Variants in LYPLA1 observed in about 807,000 individuals in gnomAD.
LYPLA1 encodes the protein acyl-protein thioesterase 1.
LYPLA1 carries 17 observed loss-of-function variants against 34.0 expected under a neutral mutation model. The observed-to-expected ratio is 0.50, with a 90% CI of 0.34 to 0.75. The LOEUF (loss-of-function observed/expected upper bound fraction) is 0.75. LYPLA1 is among the 30% of genes least tolerant of loss of function. The pLI is 0.01. For missense variants in LYPLA1, 203 were observed against 288.8 expected (o/e 0.70, Z 2.15); for synonymous variants, 98 against 100.8 (o/e 0.97, Z 0.17).
intron 2 of LYPLA1, among the ~76,000 whole-genome samples, chr8:54,098,445 G>A (rs1403816498): frequency 2.6e-5 from 4 of 152,124 alleles, no homozygotes; most frequent in African/African-American, 7.2e-5. Flanking sequence ...GCGGGAGGCC[G>A]AGGTGGGTGG....
chr8:54,055,990 C>A (rs1293405478), intron 5 of LYPLA1, among the ~76,000 whole-genome samples: 1 of 151,924 alleles, frequency 6.6e-6, no homozygotes, highest in African/African-American at 2.4e-5. Context: ...CCAAAGCTAC[C>A]CTAAGCAAAA....
At chr8:54,062,659 A>G (rs2129333092) in intron 4 of LYPLA1, among the ~76,000 whole-genome samples, 1 of 152,160 alleles carries the variant, frequency 6.6e-6, no homozygotes, top group South Asian at 2.1e-4. Flanking sequence ...CTACAGGTGC[A>G]TGCCACCACA....
chr8:54,085,237 C>A (rs1303431795), intron 2 of LYPLA1, among the ~76,000 whole-genome samples: 1 of 152,248 alleles, frequency 6.6e-6, no homozygotes, highest in Non-Finnish European at 1.5e-5. Flanking sequence ...ATCTGCCAGC[C>A]TCGGCATCCC....
intron 2 of LYPLA1, among the ~76,000 whole-genome samples, chr8:54,084,139 T>TA (rs371809504): frequency 1.1e-5 from 1 of 94,172 alleles, no homozygotes; most frequent in Non-Finnish European, 2.0e-5. Flanking sequence ...AAAAAATAAA[T>TA]AAATATATAT....
chr8:54,098,066 T>C (rs764302472), intron 2 of LYPLA1, among the ~76,000 whole-genome samples: 15 of 151,866 alleles, frequency 9.9e-5, no homozygotes, highest in Non-Finnish European at 1.9e-4. Context: ...CTACTAAAAA[T>C]ACAAAAATTA....
Position 54,084,123 on chromosome 8 carries a change from A to AG in LYPLA1, c.101+16784dup, listed in dbSNP as rs1465573450. ...ACTGCACTCCAGCCTGGGAGACCAAAGAAAAAAAAAATAAATAAATATATA... is the reference window on the plus strand; with the variant it reads ...ACTGCACTCCAGCCTGGGAGACCAAAGGAAAAAAAAAATAAATAAATATATA... On this transcript the variant is annotated intron_variant, in intron 2 of 8. Transcript: ENST00000316963. Among the ~76,000 whole-genome samples the AG allele has an allele frequency of 2.2e-4, 28 of 129,228 alleles. 1 individual carries two copies. Among genetic ancestry groups the AG allele is most frequent in the African/African-American group, 1.0e-3 (27 of 26,506 alleles). The allele number at this position is 129,228 out of a possible 152,430, so 84.8% of individuals were successfully genotyped here.
At chr8:54,080,537 G>GT (rs1239164721) in intron 2 of LYPLA1, among the ~76,000 whole-genome samples, 1 of 152,148 alleles carries the variant, frequency 6.6e-6, no homozygotes, top group African/African-American at 2.4e-5. Context: ...TGAGAAATAT[G>GT]TAAATTGATG....
At chr8:54,064,233 G>T (rs1806878117) in intron 3 of LYPLA1, among the ~76,000 whole-genome samples, 1 of 149,752 alleles carries the variant, frequency 6.7e-6, no homozygotes, top group Admixed American at 6.7e-5. Context: ...CGGCCAACAT[G>T]GTGAAACCAT....
intron 2 of LYPLA1, among the ~76,000 whole-genome samples, chr8:54,083,340 C>T (rs887218671): frequency 6.6e-6 from 1 of 152,168 alleles, no homozygotes; most frequent in Non-Finnish European, 1.5e-5. Context: ...TAAGCAAATA[C>T]AGCTCTAACT....
In LYPLA1 at chr8:54,047,780, G is replaced by A. The variant is rs190236107; in HGVS notation, c.*285C>T. 8.0e-4 allele frequency: 235 copies of A among 295,544 alleles called. 2 individuals are homozygous for A. Among genetic ancestry groups the A allele is most frequent in the African/African-American group, 4.8e-3 (223 of 46,328 alleles). 18.3% of individuals were successfully genotyped at this position (295,544 alleles called of 1,614,324 possible). On this transcript the variant is annotated 3_prime_UTR_variant, in exon 9 of 9. Transcript: ENST00000316963. Reference sequence around the variant, plus strand: ...TGATGTAATAAAAAATCTGGTGGCAGTACTGTATTATTTTGCTGAATTACA... The same window carrying A: ...TGATGTAATAAAAAATCTGGTGGCAATACTGTATTATTTTGCTGAATTACA...
intron 6 of LYPLA1, chr8:54,053,019 C>T (rs1417640816): frequency 5.4e-6 from 2 of 372,494 alleles, no homozygotes; most frequent in Admixed American, 4.0e-5. Flanking sequence ...ACATGCCTTA[C>T]GAATATTCTG....
downstream of LYPLA1, among the ~76,000 whole-genome samples, chr8:54,043,884 ACT>A (rs1805425577): frequency 6.6e-6 from 1 of 150,786 alleles, no homozygotes; most frequent in African/African-American, 2.4e-5. Flanking sequence ...TTATACTGTT[ACT>A]CTTTTTCACT....
intron 2 of LYPLA1, among the ~76,000 whole-genome samples, chr8:54,074,130 T>C (rs1259216114): frequency 6.6e-6 from 1 of 152,006 alleles, no homozygotes; most frequent in Non-Finnish European, 1.5e-5. Context: ...AAAAATTAGC[T>C]GGGTGTGGTG....
chr8:54,092,582 C>T (rs947135980), intron 2 of LYPLA1, among the ~76,000 whole-genome samples: 1 of 152,122 alleles, frequency 6.6e-6, no homozygotes, highest in African/African-American at 2.4e-5. Flanking sequence ...ATTCGAAGGT[C>T]TATACAGGTT....
downstream of LYPLA1, chr8:54,044,832 G>A (rs72655202): frequency 6.6e-6 from 1 of 152,260 alleles, no homozygotes; most frequent in Non-Finnish European, 1.5e-5. Flanking sequence ...CTCATCTTAA[G>A]CCCCAAAGTT....
chr8:54,098,055 T>G (rs1185665425), intron 2 of LYPLA1, among the ~76,000 whole-genome samples: 1 of 151,982 alleles, frequency 6.6e-6, no homozygotes, highest in African/African-American at 2.4e-5. Flanking sequence ...AAACCCCGTC[T>G]CTACTAAAAA....
At chr8:54,063,518 C>A in intron 3 of LYPLA1, 143 bp from the exon 4 acceptor site, 1 of 653,010 alleles carries the variant, frequency 1.5e-6, no homozygotes, top group Non-Finnish European at 2.7e-6. Flanking sequence ...TTTATTTCAT[C>A]CACACCTGTA....
At chr8:54,068,226 T>G (rs73681305) in intron 2 of LYPLA1, among the ~76,000 whole-genome samples, 19,758 of 152,112 alleles carry the variant, frequency 0.13, 3,400 homozygotes, top group African/African-American at 0.4. Flanking sequence ...CAAGAAAATC[T>G]ATATAAATGG....
intron 2 of LYPLA1, among the ~76,000 whole-genome samples, chr8:54,071,918 A>G (rs181439608): frequency 6.0e-4 from 92 of 152,302 alleles, no homozygotes; most frequent in Admixed American, 3.2e-3. Context: ...AAAAGAGCCC[A>G]AACAGACAAG....
Sources: gnomAD v4.1 joint callset for allele counts (sites outside exome capture counted in the v4.1 genomes callset) on GRCh38, gnomAD v4.1.1 for gene constraint, MANE v1.5 for transcripts, NCBI Gene and HGNC (gene_info 2026-07-23, HGNC 2026-07-21) for gene names.